BRWD3: variants seen among roughly 807,000 people sequenced by gnomAD.
The protein encoded by BRWD3 is bromodomain and WD repeat domain containing 3, also known as bromodomain and WD repeat-containing protein 3.
A neutral mutation model predicts 149.7 loss-of-function variants in BRWD3; 10 were observed. The ratio of observed to expected loss-of-function variants is 0.07; its 90% CI spans 0.04 to 0.11. BRWD3 has a LOEUF of 0.11. BRWD3 is among the 10% of genes least tolerant of loss of function. The pLI is 1.00. For missense variants in BRWD3, 940 were observed against 1,373.2 expected (o/e 0.68, Z 4.99); for synonymous variants, 504 against 456.7 (o/e 1.10, Z -1.32).
chrX:80,716,410 C>A (rs1486676326), intron 19 of BRWD3, among the ~76,000 whole-genome samples, 160 bp from the exon 20 acceptor site: 1 of 112,170 alleles, frequency 8.9e-6, no homozygotes, highest in Non-Finnish European at 1.9e-5. Context: ...AGTTGTGCAA[C>A]CATTACCAGC....
chrX:80,755,707 C>A (rs1000176443), intron 6 of BRWD3, among the ~76,000 whole-genome samples: 2 of 111,437 alleles, frequency 1.8e-5, no homozygotes, highest in Non-Finnish European at 3.8e-5. Flanking sequence ...ATTTATAAAG[C>A]CAGTGAATTA....
rs1362711865 is a variant in BRWD3 at position 80,688,053 on chromosome X, T to A, written c.3864+16A>T. The stretch of plus-strand genomic sequence containing the variant: ...CCTGAAAACATATCTCCTCAGCAGT[T>A]CACTTATTTACTCACCTTTCTTCCA... On this transcript the variant is annotated intron_variant, in intron 34 of 40. Transcript: ENST00000373275. The A allele has an allele frequency of 3.4e-6, 4 of 1,171,992 alleles. No individual in the cohort carries two copies. The Admixed American group carries it at 8.8e-5, about 26-fold the overall frequency.
chrX:80,710,591 T>A, intron 20 of BRWD3: 1 of 479,306 alleles, frequency 2.1e-6, no homozygotes, highest in Non-Finnish European at 3.9e-6. Context: ...TCTATCATGA[T>A]GATGATGATG....
At chrX:80,731,007 T>C (rs1376796815) in intron 12 of BRWD3, among the ~76,000 whole-genome samples, 1 of 111,699 alleles carries the variant, frequency 9.0e-6, no homozygotes, top group African/African-American at 3.2e-5. Context: ...GTGATGAACA[T>C]CTCTATATAA....
At chrX:80,771,637 A>C (rs1245328846) in intron 6 of BRWD3, among the ~76,000 whole-genome samples, 1 of 111,905 alleles carries the variant, frequency 8.9e-6, no homozygotes, top group African/African-American at 3.2e-5. Flanking sequence ...TAAACTAAAG[A>C]GCTTCTGCAC....
intron 20 of BRWD3, chrX:80,709,881 T>A (rs1357851575): frequency 1.7e-6 from 1 of 593,031 alleles, no homozygotes; most frequent in East Asian, 3.6e-5. Context: ...AACTTCTTGA[T>A]CCTCAGTTTT....
rs989468069 is a variant in BRWD3 at position 80,702,250 on chromosome X, G to T, written c.2835+1230C>A. ...ACATACATCTTCCTCATTACCTGAA[G>T]AACTGTCTTCACCTCATACACATTA... On this transcript the variant is annotated intron_variant, in intron 24 of 40. Coordinates refer to ENST00000373275, the MANE Select transcript of BRWD3 (RefSeq NM_153252.5). 1.9e-4 allele frequency among the ~76,000 whole-genome samples: 21 copies of T among 112,141 alleles called. 1 individual carries two copies. The highest frequency in any genetic ancestry group is 6.8e-4 in the African/African-American group (21 of 30,915).
chrX:80,764,590 G>T (rs1453914030), intron 6 of BRWD3, among the ~76,000 whole-genome samples: 1 of 110,340 alleles, frequency 9.1e-6, no homozygotes, highest in Non-Finnish European at 1.9e-5. Context: ...TGGGATTACA[G>T]GTGTGAGCCA....
rs773950619 is a variant in BRWD3, at chrX:80,728,957, G to A, written c.1233-52C>T. Reference sequence around the variant, plus strand: ...TATCTTATAAATTTTTGACAAAGGTGCATGTTAAATAGCAAATTATGACAA... The same window carrying A: ...TATCTTATAAATTTTTGACAAAGGTACATGTTAAATAGCAAATTATGACAA... On this transcript the variant is annotated intron_variant, in intron 13 of 40. Transcript: ENST00000373275. 2.8e-6 allele frequency: 3 copies of A among 1,089,772 alleles called. No homozygotes were observed. In the East Asian group the frequency reaches 9.0e-5, roughly 33 times the overall value. The allele number at this position is 1,089,772 out of a possible 1,213,427, so 89.8% of individuals were successfully genotyped here.
At chrX:80,797,337 A>AT (rs2074248773) in intron 4 of BRWD3, among the ~76,000 whole-genome samples, 1 of 110,959 alleles carries the variant, frequency 9.0e-6, no homozygotes, top group African/African-American at 3.3e-5. Flanking sequence ...ACTGGTAATT[A>AT]TTTTTTTTAA....
chrX:80,678,964 A>G (rs1392597874), intron 40 of BRWD3, among the ~76,000 whole-genome samples: 1 of 111,796 alleles, frequency 8.9e-6, no homozygotes, highest in Non-Finnish European at 1.9e-5. Flanking sequence ...TTAAAGGAAA[A>G]GGAAGAGATA....
chrX:80,761,597 T>C (rs922257147), intron 6 of BRWD3, among the ~76,000 whole-genome samples: 1 of 111,819 alleles, frequency 8.9e-6, no homozygotes, highest in East Asian at 2.8e-4. Context: ...ATGCCAAAAA[T>C]TGTTAGGTAC....
intron 3 of BRWD3, 53 bp from the exon 4 acceptor site, chrX:80,808,651 A>T: frequency 9.3e-7 from 1 of 1,077,548 alleles, no homozygotes; most frequent in African/African-American, 1.8e-5. Flanking sequence ...ATGAAGGAAA[A>T]GCCTCCGCTC....
chrX:80,704,781 C>T lies in BRWD3; in HGVS notation c.2618G>A (p.Arg873Lys). 8.3e-7 allele frequency: 1 copy of T among 1,210,978 alleles called. No homozygotes were observed. Among genetic ancestry groups the T allele is most frequent in the Non-Finnish European group, 1.1e-6 (1 of 894,784 alleles). Residue 873 changes from arginine to lysine, a missense_variant, in exon 23 of 41, where the codon AGA (arginine) becomes AAA (lysine). Arg to Lys is a conservative substitution (Grantham distance 26). Around this residue, in one of 6 missense-constraint regions of BRWD3, gnomAD observed 158 missense variants for 284.0 expected, o/e 0.56. Coordinates refer to ENST00000373275, the MANE Select transcript of BRWD3 (RefSeq NM_153252.5). ...DAGINLQPPK[R>K]QTRQTTRKIC... ...TTTACGTGTTGTCTGTCTGGTTTGT[C>T]TTTTTGGGGGTTGTAAATTTATTCC...
intron 6 of BRWD3, among the ~76,000 whole-genome samples, chrX:80,779,510 G>A (rs1219371831): frequency 1.8e-5 from 2 of 110,025 alleles, no homozygotes; most frequent in South Asian, 3.8e-4. Flanking sequence ...ATCGCTTGAG[G>A]TCAGAAGTTC....
intron 20 of BRWD3, among the ~76,000 whole-genome samples, chrX:80,713,570 C>CT (rs2073027460): frequency 9.1e-6 from 1 of 109,977 alleles, no homozygotes; most frequent in Non-Finnish European, 1.9e-5. Flanking sequence ...CCGCAGGGTC[C>CT]TCTGCCTAGG....
At chrX:80,766,901 C>T (rs1225046786) in intron 6 of BRWD3, among the ~76,000 whole-genome samples, 2 of 111,990 alleles carry the variant, frequency 1.8e-5, no homozygotes, top group Admixed American at 9.4e-5. Context: ...CTGGGACATT[C>T]GCACCCAAAT....
intron 6 of BRWD3, among the ~76,000 whole-genome samples, chrX:80,770,834 A>C (rs2073935638): frequency 8.9e-6 from 1 of 111,761 alleles, no homozygotes; most frequent in Admixed American, 9.5e-5. Context: ...AGATGACATG[A>C]CTGTGTATTT....
rs2073658476 is a variant in BRWD3 at position 80,750,932 on chromosome X, A to C, written c.431-5203T>G. Among the ~76,000 whole-genome samples, 7 of 111,011 alleles carry C rather than the reference A, an allele frequency of 6.3e-5. No homozygotes were observed. In the Admixed American group the frequency reaches 6.7e-4, roughly 11 times the overall value. On this transcript the variant is annotated intron_variant, in intron 6 of 40. Transcript: ENST00000373275. The stretch of plus-strand genomic sequence containing the variant: ...AGTCTTATAAAGGAAAGAAATTGGA[A>C]ATTATGCCATTCACAACAACTTGGA...
Sources: gnomAD v4.1 joint callset for allele counts (sites outside exome capture counted in the v4.1 genomes callset) on GRCh38, gnomAD v4.1.1 for gene constraint, gnomAD v4.1.1 regional missense constraint, MANE v1.5 for transcripts, NCBI Gene and HGNC (gene_info 2026-07-23, HGNC 2026-07-21) for gene names.